The following SHISA9 variants were observed in gnomAD, a reference collection of about 807,000 sequenced individuals.
SHISA9 encodes shisa family member 9.
Under a neutral mutation model 38.0 loss-of-function variants are expected in SHISA9, and 13 were observed. The ratio of observed to expected loss-of-function variants is 0.34; its 90% CI spans 0.22 to 0.54. The LOEUF is 0.54. Among genes scored for constraint, SHISA9 ranks in the 20% least tolerant of loss-of-function variants. The pLI is 0.91. For synonymous variants in SHISA9, 275 were observed against 242.0 expected, an observed-to-expected ratio of 1.14 and a Z score of -1.27; for missense variants, 538 against 575.8, an observed-to-expected ratio of 0.93 and a Z score of 0.67.
intron 2 of SHISA9, among the ~76,000 whole-genome samples, chr16:13,184,307 G>C (rs2050801702): frequency 6.6e-6 from 1 of 152,152 alleles, no homozygotes; most frequent in African/African-American, 2.4e-5. Context: ...ATCTTCTGCA[G>C]CTGTACTTTC....
At chr16:13,039,463 C>T (rs1012556318) in intron 2 of SHISA9, among the ~76,000 whole-genome samples, 2 of 149,758 alleles carry the variant, frequency 1.3e-5, no homozygotes, top group African/African-American at 2.5e-5. Context: ...GACATGCCTG[C>T]CCAATGTGTC....
chr16:13,265,768 G>T, the SHISA9 span, among the ~76,000 whole-genome samples: 1 of 151,906 alleles, frequency 6.6e-6, no homozygotes, highest in South Asian at 2.1e-4. Context: ...GGAGAGTTTT[G>T]TATGGGAGAC....
intron 2 of SHISA9, among the ~76,000 whole-genome samples, chr16:13,021,092 G>A (rs894854857): frequency 3.3e-5 from 5 of 152,272 alleles, no homozygotes; most frequent in East Asian, 3.9e-4. Flanking sequence ...CTTTATGGAC[G>A]GCAATAGCTA....
chr16:13,259,190 G>A, the SHISA9 span, among the ~76,000 whole-genome samples: 3 of 152,196 alleles, frequency 2.0e-5, no homozygotes, highest in African/African-American at 4.8e-5. Context: ...ATGCAAGTTC[G>A]AAATCCAGTG....
At chr16:13,290,696 G>C in the SHISA9 span, among the ~76,000 whole-genome samples, 4 of 152,256 alleles carry the variant, frequency 2.6e-5, no homozygotes, top group African/African-American at 9.6e-5. Flanking sequence ...TTTCCAGCCT[G>C]TGGTGGTAAA....
At chr16:13,446,731 C>T in the SHISA9 span, among the ~76,000 whole-genome samples, 23 of 152,148 alleles carry the variant, frequency 1.5e-4, no homozygotes, top group South Asian at 1.2e-3. Context: ...AATCTCAGCA[C>T]TTTGGGAGGC....
In SHISA9 at chr16:13,022,483, C is replaced by T. The variant is rs536598643; in HGVS notation, c.691+105668C>T. ...AGTAGCTGGGGTTACAGGCATGTGCCACCACACCCGGCTAATTTTTTATTG... is the reference window on the plus strand; with the variant it reads ...AGTAGCTGGGGTTACAGGCATGTGCTACCACACCCGGCTAATTTTTTATTG... On this transcript the variant is annotated intron_variant, in intron 2 of 4. Coordinates refer to ENST00000558583, the MANE Select transcript of SHISA9 (RefSeq NM_001145204.3). Among the ~76,000 whole-genome samples the T allele has an allele frequency of 3.9e-5, 6 of 152,228 alleles. No homozygotes were observed. The South Asian group carries it at 1.0e-3, about 26-fold the overall frequency.
chr16:12,929,334 G>A (rs1268692272), intron 2 of SHISA9, among the ~76,000 whole-genome samples: 1 of 152,030 alleles, frequency 6.6e-6, no homozygotes, highest in Non-Finnish European at 1.5e-5. Flanking sequence ...AAAGATACAT[G>A]CACCTGTATG....
At chr16:12,928,872 A>G (rs944967251) in intron 2 of SHISA9, among the ~76,000 whole-genome samples, 1 of 152,238 alleles carries the variant, frequency 6.6e-6, no homozygotes, top group African/African-American at 2.4e-5. Context: ...ACTGACAAAG[A>G]CGTTGCATAA....
chr16:13,559,161 A>G, the SHISA9 span, among the ~76,000 whole-genome samples: 2 of 152,242 alleles, frequency 1.3e-5, no homozygotes, highest in African/African-American at 2.4e-5. Context: ...GCCTGAAGAT[A>G]TCTATTTTGA....
At chr16:12,969,761 C>CA (rs1485161244) in intron 2 of SHISA9, among the ~76,000 whole-genome samples, 2 of 151,174 alleles carry the variant, frequency 1.3e-5, no homozygotes, top group African/African-American at 4.9e-5. Context: ...CCCTCCCCAC[C>CA]AAAAAAAATG....
chr16:13,175,244 C>T (rs1171327059), intron 2 of SHISA9, among the ~76,000 whole-genome samples: 1 of 152,002 alleles, frequency 6.6e-6, no homozygotes, highest in Non-Finnish European at 1.5e-5. Context: ...AAAAAATTAG[C>T]TGGGCATGGT....
intron 2 of SHISA9, among the ~76,000 whole-genome samples, chr16:13,071,015 T>G (rs192523862): frequency 1.3e-5 from 2 of 152,302 alleles, no homozygotes; most frequent in African/African-American, 4.8e-5. Context: ...ACCTTTCAGT[T>G]TGAGGAGCTC....
At chr16:13,147,524 C>T (rs987533776) in intron 2 of SHISA9, among the ~76,000 whole-genome samples, 2 of 130,552 alleles carry the variant, frequency 1.5e-5, no homozygotes, top group African/African-American at 5.9e-5. Flanking sequence ...AGTGCAATGG[C>T]GTGATCTTGG....
At position 13,045,425 on chromosome 16, in the gene SHISA9, A is replaced by G. The variant is rs1056532166; in HGVS notation, c.691+128610A>G. 9.2e-5 allele frequency among the ~76,000 whole-genome samples: 14 copies of G among 152,206 alleles called. No homozygotes were observed. The South Asian group carries it at 2.9e-3, about 31-fold the overall frequency. Reference sequence around the variant, plus strand: ...CTCTGATAAATCTTCCACAAGATAGATATCTTACCATACTGTCTTGGCTAA... The same window carrying G: ...CTCTGATAAATCTTCCACAAGATAGGTATCTTACCATACTGTCTTGGCTAA... On this transcript the variant is annotated intron_variant, in intron 2 of 4. Coordinates refer to ENST00000558583, the MANE Select transcript of SHISA9 (RefSeq NM_001145204.3).
At chr16:13,456,374 T>A in the SHISA9 span, among the ~76,000 whole-genome samples, 26,277 of 152,172 alleles carry the variant, frequency 0.17, 2,658 homozygotes, top group East Asian at 0.36. Flanking sequence ...TGAGTCAGCT[T>A]AATAATCATG....
chr16:13,072,570 C>G (rs999542846), intron 2 of SHISA9, among the ~76,000 whole-genome samples: 1 of 152,224 alleles, frequency 6.6e-6, no homozygotes, highest in Non-Finnish European at 1.5e-5. Context: ...AGCTCCTACG[C>G]TTGCATGTAT....
At chr16:13,130,744 AC>A (rs1306111250) in intron 2 of SHISA9, among the ~76,000 whole-genome samples, 1 of 152,170 alleles carries the variant, frequency 6.6e-6, no homozygotes, top group African/African-American at 2.4e-5. Context: ...TCTCTGTTCA[AC>A]CCCTCAACCC....
the SHISA9 span, among the ~76,000 whole-genome samples, chr16:13,293,847 T>A: frequency 2.0e-5 from 3 of 152,192 alleles, no homozygotes; most frequent in African/African-American, 7.2e-5. Flanking sequence ...TGTCTAAGGA[T>A]GTAGAAATGG....
Sources: gnomAD v4.1 joint callset for allele counts (sites outside exome capture counted in the v4.1 genomes callset) on GRCh38, gnomAD v4.1.1 for gene constraint, MANE v1.5 for transcripts, NCBI Gene and HGNC (gene_info 2026-07-23, HGNC 2026-07-21) for gene names.